Variants in PNKD observed in about 807,000 individuals in gnomAD.
The protein encoded by PNKD is PNKD metallo-beta-lactamase domain containing, also known as probable thioesterase PNKD.
Under a neutral mutation model 45.3 loss-of-function variants are expected in PNKD, and 36 were observed. The observed-to-expected ratio is 0.80, with a 90% confidence interval of 0.61 to 1.05. The LOEUF (loss-of-function observed/expected upper bound fraction) is 1.05. PNKD is among the 50% of genes least tolerant of loss of function. PNKD has a pLI of 0.00. For missense variants in PNKD, 511 were observed against 506.6 expected (o/e 1.01, Z -0.08); for synonymous variants, 197 against 210.1 (o/e 0.94, Z 0.54).
At chr2:218,342,255 C>T (rs912138223) in intron 7 of PNKD, 111 bp downstream of exon 7, 32 of 883,508 alleles carry the variant, frequency 3.6e-5, no homozygotes, top group African/African-American at 4.9e-5. Context: ...CAGATGTTGC[C>T]GTGGCAGTTA....
At chr2:218,276,885 G>T in intron 2 of PNKD, 1 of 773,842 alleles carries the variant, frequency 1.3e-6, no homozygotes, top group South Asian at 1.6e-5. Context: ...CTAGCCAGTC[G>T]AGAGGTTCTG....
At position 218,345,003 on chromosome 2, in the gene PNKD, A is replaced by G; in HGVS notation, c.*22A>G. Reference sequence around the variant, plus strand: ...GTGATGCCCCCAGCGCCCCCAGCCCAGCCCACTCCCCGCATGGGGAGGCCG... The same window carrying G: ...GTGATGCCCCCAGCGCCCCCAGCCCGGCCCACTCCCCGCATGGGGAGGCCG... On this transcript the variant is annotated 3_prime_UTR_variant, in exon 10 of 10. Coordinates refer to ENST00000273077, the MANE Select transcript of PNKD (RefSeq NM_015488.5). 6.3e-7 allele frequency: 1 copy of G among 1,595,384 alleles called. No individual in the cohort carries two copies. The highest frequency in any genetic ancestry group is 2.2e-5 in the East Asian group (1 of 44,640).
At chr2:218,295,178 G>C (rs1045062678) in intron 2 of PNKD, among the ~76,000 whole-genome samples, 1 of 152,164 alleles carries the variant, frequency 6.6e-6, no homozygotes, top group Non-Finnish European at 1.5e-5. Flanking sequence ...GCAGTGCTTC[G>C]CTGGCAATAG....
At chr2:218,287,018 C>A (rs930664901) in intron 2 of PNKD, among the ~76,000 whole-genome samples, 3 of 152,110 alleles carry the variant, frequency 2.0e-5, no homozygotes, top group African/African-American at 7.2e-5. Context: ...ACCTCATAGC[C>A]ACGAGAGCAA....
Position 218,326,566 on chromosome 2 carries a change from T to C in PNKD, c.237-13217T>C, listed in dbSNP as rs1040247540. On this transcript the variant is annotated intron_variant, in intron 2 of 9. Coordinates refer to ENST00000273077, the MANE Select transcript of PNKD (RefSeq NM_015488.5). This position sits in a 1 kb window ranked among gnomAD's most constrained non-coding sequence, Gnocchi z 4.1. Reference sequence around the variant, plus strand: ...TCATAGGGCTCCTGTGAAGATCAAATGAAACCGCATCTAAAATACACAGGG... The same window carrying C: ...TCATAGGGCTCCTGTGAAGATCAAACGAAACCGCATCTAAAATACACAGGG... 2.0e-5 allele frequency among the ~76,000 whole-genome samples: 3 copies of C among 152,168 alleles called. No individual in the cohort carries two copies. The highest frequency in any genetic ancestry group is 7.2e-5 in the African/African-American group (3 of 41,432).
chr2:218,343,677 G>A (rs926886293), intron 8 of PNKD, 91 bp downstream of exon 8: 70 of 955,852 alleles, frequency 7.3e-5, no homozygotes, highest in Admixed American at 1.2e-4. Flanking sequence ...CTAGAAAGCA[G>A]GCCAGCCCAG....
intron 2 of PNKD, among the ~76,000 whole-genome samples, chr2:218,335,890 C>T (rs879423488): frequency 2.6e-5 from 4 of 152,132 alleles, no homozygotes; most frequent in Non-Finnish European, 5.9e-5. Context: ...GAGCGGCTGC[C>T]CCTGCTCCCA....
In PNKD at chr2:218,277,165, C is replaced by G. The variant is rs192269123; in HGVS notation, c.236+5616C>G. On this transcript the variant is annotated intron_variant, in intron 2 of 9. Coordinates refer to ENST00000273077, the MANE Select transcript of PNKD (RefSeq NM_015488.5). ...GACAACCAGCCCAGTCAGACTGGCC[C>G]TGCCAGGGAGTCCCAGTGCTGCCTC... 1,249 of 1,446,048 alleles carry G rather than the reference C, an allele frequency of 8.6e-4. 8 individuals are homozygous for G. In the African/African-American group the frequency reaches 0.016, roughly 18 times the overall value. The allele number at this position is 1,446,048 out of a possible 1,614,324, so 89.6% of individuals were successfully genotyped here.
chr2:218,323,845 T>A (rs570081378), intron 2 of PNKD, among the ~76,000 whole-genome samples: 1 of 152,126 alleles, frequency 6.6e-6, no homozygotes, highest in Admixed American at 6.5e-5. Context: ...AGAGAAGGAA[T>A]GCCTCCCACC....
Position 218,277,823 on chromosome 2 carries a change from T to A in PNKD, c.236+6274T>A, listed in dbSNP as rs185887706. 4.8e-5 allele frequency: 74 copies of A among 1,554,972 alleles called. No homozygotes were observed. In the African/African-American group the frequency reaches 7.5e-4, roughly 16 times the overall value. On this transcript the variant is annotated intron_variant, in intron 2 of 9. Transcript: ENST00000273077. ...AGGAGATCAGAACAGGCGGCCCAGA[T>A]AAGGTGGAGGAGACAGCCAGGACAT...
chr2:218,272,878 C>T (rs754604195), intron 2 of PNKD: 33 of 1,587,426 alleles, frequency 2.1e-5, no homozygotes, highest in Non-Finnish European at 2.7e-5. Context: ...TGTTGCCAAA[C>T]CCTACCCTGC....
At chr2:218,295,464 G>T (rs1163044797) in intron 2 of PNKD, among the ~76,000 whole-genome samples, 3 of 152,204 alleles carry the variant, frequency 2.0e-5, no homozygotes, top group African/African-American at 7.2e-5. Context: ...GTGGGGAATG[G>T]GGTGGGGGTT....
In PNKD at chr2:218,345,071, C is replaced by T; in HGVS notation, c.*90C>T. ...TCATCCTTCTCATCGCTAACACCACCACCTCCATCGGCACCCAAGCGGGCA... is the reference window on the plus strand; with the variant it reads ...TCATCCTTCTCATCGCTAACACCACTACCTCCATCGGCACCCAAGCGGGCA... On this transcript the variant is annotated 3_prime_UTR_variant, in exon 10 of 10. Coordinates refer to ENST00000273077, the MANE Select transcript of PNKD (RefSeq NM_015488.5). The T allele has an allele frequency of 9.8e-7, 1 of 1,021,028 alleles. No individual in the cohort carries two copies. The highest frequency in any genetic ancestry group is 1.5e-5 in the South Asian group (1 of 65,576). The allele number at this position is 1,021,028 out of a possible 1,614,324, so 63.2% of individuals were successfully genotyped here.
chr2:218,309,440 GAAAGA>G (rs1693533778), intron 2 of PNKD, among the ~76,000 whole-genome samples: 1 of 134,224 alleles, frequency 7.5e-6, no homozygotes, highest in Non-Finnish European at 1.6e-5. Flanking sequence ...AAAAAAAAAG[GAAAGA>G]AAAGGAGAAA....
intron 2 of PNKD, among the ~76,000 whole-genome samples, chr2:218,337,725 A>G (rs1694539161): frequency 6.6e-6 from 1 of 152,158 alleles, no homozygotes; most frequent in Non-Finnish European, 1.5e-5. Context: ...GCTCATGGGC[A>G]TTGCAGACTC....
chr2:218,297,776 G>A (rs1693180438), intron 2 of PNKD, among the ~76,000 whole-genome samples: 1 of 150,498 alleles, frequency 6.6e-6, no homozygotes, highest in Admixed American at 6.7e-5. Flanking sequence ...GAGGCGGGCA[G>A]ATCACAAGGT....
Position 218,340,325 on chromosome 2 carries a change from A to T in PNKD, c.465+184A>T, listed in dbSNP as rs1452182517. On this transcript the variant is annotated intron_variant, in intron 4 of 9. Coordinates refer to ENST00000273077, the MANE Select transcript of PNKD (RefSeq NM_015488.5). This position sits in a 1 kb window ranked among gnomAD's most constrained non-coding sequence, Gnocchi z 4.2. ...GGGGGTACAGGGCATGGCTGGGCAG[A>T]AGGGGAGAGCAGGAGTGGGGGATGC... is the stretch of plus-strand genomic sequence containing the variant. Among the ~76,000 whole-genome samples the T allele has an allele frequency of 6.6e-6, 1 of 152,004 alleles. No individual in the cohort carries two copies. The highest frequency in any genetic ancestry group is 1.5e-5 in the Non-Finnish European group (1 of 67,974).
chr2:218,318,671 A>G lies in PNKD; in HGVS notation c.237-21112A>G, dbSNP rs1281174601. ...ACTGAACACCTGCTCTGGGCCAGGT[A>G]TTATTCACACCACTGGGAATACAGT... On this transcript the variant is annotated intron_variant, in intron 2 of 9. Transcript: ENST00000273077. 2.6e-5 allele frequency among the ~76,000 whole-genome samples: 4 copies of G among 152,228 alleles called. No homozygotes were observed. In the East Asian group the frequency reaches 7.7e-4, roughly 29 times the overall value.
intron 2 of PNKD, among the ~76,000 whole-genome samples, chr2:218,273,098 C>T (rs1474750952): frequency 6.6e-6 from 1 of 152,178 alleles, no homozygotes; most frequent in African/African-American, 2.4e-5. Context: ...GGCCCCGGGC[C>T]CTCGGGACCA....
Sources: allele counts gnomAD v4.1 joint callset (sites outside exome capture counted in the v4.1 genomes callset), GRCh38; gene constraint gnomAD v4.1.1; non-coding constraint Gnocchi (gnomAD v3.1); transcripts MANE v1.5; gene names NCBI Gene and HGNC (gene_info 2026-07-23, HGNC 2026-07-21).